Variants in MACF1 observed in about 807,000 individuals in gnomAD.
The protein encoded by MACF1 is microtubule actin crosslinking factor 1, also known as microtubule-actin cross-linking factor 1.
In MACF1, 193 loss-of-function variants were observed where a neutral mutation model predicts 854.8. The observed-to-expected ratio is 0.23, with a 90% CI of 0.20 to 0.25. MACF1 has a LOEUF of 0.25. Ranked by LOEUF, MACF1 falls within the 10% of genes least tolerant of loss-of-function variation. MACF1 has a pLI of 1.00. For missense variants in MACF1, 7,722 were observed against 8,929.1 expected, an observed-to-expected ratio of 0.86 and a Z score of 5.45; for synonymous variants, 3,185 against 3,226.7, an observed-to-expected ratio of 0.99 and a Z score of 0.44.
intron 35 of MACF1, 86 bp downstream of exon 35, chr1:39,324,820 G>A (rs1478264124): frequency 4.8e-6 from 5 of 1,039,996 alleles, no homozygotes; most frequent in Non-Finnish European, 7.4e-6. Flanking sequence ...ATTTCAGAAT[G>A]GAGAATTCAG....
intron 6 of MACF1, among the ~76,000 whole-genome samples, chr1:39,267,420 G>A (rs540171314): frequency 6.6e-6 from 1 of 152,226 alleles, no homozygotes; most frequent in African/African-American, 2.4e-5. Context: ...TAGTAGAGAC[G>A]GGGTTTCACC....
At chr1:39,337,967 C>T (rs1646852083) in intron 38 of MACF1, among the ~76,000 whole-genome samples, 1 of 152,134 alleles carries the variant, frequency 6.6e-6, no homozygotes, top group East Asian at 1.9e-4. Context: ...GACGGGGTTT[C>T]ACCGTGTTAG....
intron 97 of MACF1, among the ~76,000 whole-genome samples, chr1:39,476,495 C>G (rs983368887): frequency 6.6e-6 from 1 of 151,788 alleles, no homozygotes; most frequent in Admixed American, 6.6e-5. Flanking sequence ...CACTTGAACC[C>G]AGGAGGCGGA....
chr1:39,382,236 C>G (rs1650286741), intron 56 of MACF1, 84 bp downstream of exon 56: 1 of 1,273,570 alleles, frequency 7.9e-7, no homozygotes, highest in African/African-American at 1.5e-5. Flanking sequence ...TCATGTGATC[C>G]TGGACAAGTC....
chr1:39,350,472 C>T (rs1180587445), intron 42 of MACF1, among the ~76,000 whole-genome samples: 1 of 152,126 alleles, frequency 6.6e-6, no homozygotes, highest in Non-Finnish European at 1.5e-5. Context: ...CATCAGGCCT[C>T]GACTCTGCTA....
intron 58 of MACF1, among the ~76,000 whole-genome samples, chr1:39,408,396 G>A (rs1642798845): frequency 6.6e-6 from 1 of 152,206 alleles, no homozygotes. Flanking sequence ...TTTAAGGCTG[G>A]AGTGTTCTTC....
chr1:39,178,741 A>G (rs1334011388), intron 2 of MACF1, among the ~76,000 whole-genome samples: 1 of 152,010 alleles, frequency 6.6e-6, no homozygotes, highest in Non-Finnish European at 1.5e-5. Flanking sequence ...CTGGTGTCTC[A>G]CTCCTGGAAT....
In MACF1 at chr1:39,448,458, G is replaced by A. The variant is rs1367551008; in HGVS notation, c.20089-136G>A. ...TATAAATTTCTTAAGGATAAGCTAT[G>A]GTTAATTTTAGTTCAAAAAAAGTGG... On this transcript the variant is annotated intron_variant, in intron 83 of 100. Coordinates refer to ENST00000564288, the MANE Select transcript of MACF1 (RefSeq NM_001394062.1). 6 of 694,918 alleles carry A rather than the reference G, an allele frequency of 8.6e-6. No homozygotes were observed. The East Asian group carries it at 1.1e-4, about 13-fold the overall frequency. 43.0% of individuals were successfully genotyped at this position (694,918 alleles called of 1,614,324 possible).
At position 39,443,317 on chromosome 1, in the gene MACF1, C is replaced by T. The variant is rs140373380; in HGVS notation, c.19303-129C>T. The stretch of plus-strand genomic sequence containing the variant: ...TATTGGCCCCATGCTAATCTAGCAA[C>T]AGAACAGCTTTGCCAGAGAGCAGCC... On this transcript the variant is annotated intron_variant, in intron 78 of 100. Coordinates refer to ENST00000564288, the MANE Select transcript of MACF1 (RefSeq NM_001394062.1). 3.9e-4 allele frequency: 345 copies of T among 889,720 alleles called. 1 individual carries two copies. In the African/African-American group the frequency reaches 5.0e-3, roughly 13 times the overall value. 55.1% of individuals were successfully genotyped at this position (889,720 alleles called of 1,614,324 possible).
intron 97 of MACF1, among the ~76,000 whole-genome samples, chr1:39,477,079 A>ATACACTTAGTGTG (rs1644911289): frequency 5.3e-4 from 8 of 15,138 alleles, no homozygotes; most frequent in African/African-American, 1.7e-3. Context: ...ATATATATAT[A>ATACACTTAGTGTG]TATATATATA....
chr1:39,483,891 C>T (rs1645059642), intron 99 of MACF1, among the ~76,000 whole-genome samples: 1 of 152,210 alleles, frequency 6.6e-6, no homozygotes, highest in African/African-American at 2.4e-5. Flanking sequence ...GTGGCTCACA[C>T]CTGTAATCCT....
intron 2 of MACF1, among the ~76,000 whole-genome samples, chr1:39,163,785 T>C (rs559975750): frequency 6.6e-6 from 1 of 152,290 alleles, no homozygotes; most frequent in South Asian, 2.1e-4. Context: ...AGTGAATTCT[T>C]TTTTTAAGGG....
At chr1:39,155,111 T>G in intron 2 of MACF1, among the ~76,000 whole-genome samples, 1 of 152,186 alleles carries the variant, frequency 6.6e-6, no homozygotes, top group East Asian at 1.9e-4. Context: ...ATGCTGTGAC[T>G]CTGAGGAAAG....
intron 89 of MACF1, among the ~76,000 whole-genome samples, chr1:39,455,592 C>T (rs150232822): frequency 6.6e-6 from 1 of 152,164 alleles, no homozygotes; most frequent in Non-Finnish European, 1.5e-5. Flanking sequence ...CATCATTTGC[C>T]CACACTCAAG....
chr1:39,332,181 G>A lies in MACF1; in HGVS notation c.5593G>A (p.Ala1865Thr), dbSNP rs1404224843. ...TGGAGAGATCCTCCCAATTACAGAT[G>A]CCCTAGAACAAGGTATTGTGTCTAC... is the stretch of plus-strand genomic sequence containing the variant. ...ESGEILPITD[A>T]LEQGIVSTEL... Residue 1865 changes from alanine (A) to threonine (T), a missense_variant, in exon 37 of 101, where the codon GCC (alanine) becomes ACC (threonine). Coordinates refer to ENST00000564288, the MANE Select transcript of MACF1 (RefSeq NM_001394062.1). The A allele has an allele frequency of 1.9e-6, 3 of 1,613,900 alleles. No homozygotes were observed. Among genetic ancestry groups the A allele is most frequent in the Non-Finnish European group, 2.5e-6 (3 of 1,180,026 alleles).
chr1:39,311,538 T>A (rs1393003874), intron 26 of MACF1, among the ~76,000 whole-genome samples: 2 of 152,178 alleles, frequency 1.3e-5, no homozygotes, highest in African/African-American at 4.8e-5. Context: ...ATGAGCTTCC[T>A]GAAAAAGTAA....
chr1:39,382,256 C>G (rs1650289251), intron 56 of MACF1, 104 bp downstream of exon 56: 6 of 1,063,554 alleles, frequency 5.6e-6, no homozygotes, highest in African/African-American at 3.1e-5. Flanking sequence ...CATTTAATCT[C>G]TCAGAGTCTC....
chr1:39,454,799 C>T, intron 88 of MACF1, 110 bp from the exon 89 acceptor site: 1 of 980,354 alleles, frequency 1.0e-6, no homozygotes, highest in South Asian at 1.8e-5. Flanking sequence ...GAGTCTGTCT[C>T]CAAAAAAATA....
chr1:39,307,766 G>T (rs527792528), intron 23 of MACF1, among the ~76,000 whole-genome samples: 1 of 151,366 alleles, frequency 6.6e-6, no homozygotes, highest in Non-Finnish European at 1.5e-5. Context: ...TAGAGACGGG[G>T]TTTCGCCATG....
Sources: allele counts gnomAD v4.1 joint callset (sites outside exome capture counted in the v4.1 genomes callset), GRCh38; gene constraint gnomAD v4.1.1; transcripts MANE v1.5; gene names NCBI Gene and HGNC (gene_info 2026-07-23, HGNC 2026-07-21).